The following SYCE1 variants were observed in gnomAD, a reference collection of about 807,000 sequenced individuals.
SYCE1 encodes the protein cancer/testis antigen 76.
In SYCE1, 37 loss-of-function variants were observed where a neutral mutation model predicts 55.1. The ratio of observed to expected loss-of-function variants is 0.67; its 90% CI spans 0.52 to 0.88. SYCE1 has a LOEUF of 0.88. Ranked by LOEUF, SYCE1 falls within the 40% of genes least tolerant of loss-of-function variation. The pLI, the probability that SYCE1 is intolerant of heterozygous loss-of-function variation, is 0.00. For synonymous variants in SYCE1, 163 were observed against 159.4 expected (o/e 1.02, Z -0.17); for missense variants, 399 against 416.4 (o/e 0.96, Z 0.36).
intron 1 of SYCE1, among the ~76,000 whole-genome samples, chr10:133,563,740 G>A (rs1163300908): frequency 6.7e-6 from 1 of 150,316 alleles, no homozygotes; most frequent in African/African-American, 2.4e-5. Flanking sequence ...TTATTTTTGA[G>A]TTTATGGAGT....
At chr10:133,566,771 G>A (rs1226779070), upstream of SYCE1, among the ~76,000 whole-genome samples, 3 of 151,520 alleles carry the variant, frequency 2.0e-5, no homozygotes, top group Admixed American at 6.6e-5. Context: ...TTACAGTTTA[G>A]GGTAAGGGGT....
chr10:133,555,256 G>C, intron 12 of SYCE1, 95 bp downstream of exon 12: 1 of 1,585,616 alleles, frequency 6.3e-7, no homozygotes, highest in Non-Finnish European at 8.6e-7. Flanking sequence ...ACCATCCTCT[G>C]AGGAGTCCCA....
upstream of SYCE1, among the ~76,000 whole-genome samples, chr10:133,567,483 C>T (rs1311887856): frequency 6.6e-6 from 1 of 151,950 alleles, no homozygotes; most frequent in African/African-American, 2.4e-5. Context: ...GTTAGGGTTC[C>T]TGGACGGATG....
chr10:133,555,438 C>G lies in SYCE1; in HGVS notation c.831G>C (p.Arg277Ser). ...CATGCTTTTCCAGCTCTTCCTTCAG[C>G]CTGGACAGGAAGAGGTAGGATGGGG... ...KCQQQQQKRQ[R>S]LKEELEKHGM... Residue 277 changes from arginine to serine, a missense_variant and splice_region_variant, in exon 12 of 13, where the codon AGG (arginine) becomes AGC (serine). Transcript: ENST00000343131. 6.2e-7 allele frequency: 1 copy of G among 1,613,842 alleles called. No homozygotes were observed. Among genetic ancestry groups the G allele is most frequent in the African/African-American group, 1.3e-5 (1 of 75,004 alleles).
chr10:133,567,620 T>C (rs1851979360), upstream of SYCE1, among the ~76,000 whole-genome samples: 1 of 152,046 alleles, frequency 6.6e-6, no homozygotes, highest in Non-Finnish European at 1.5e-5. Flanking sequence ...ATTACTTCTT[T>C]TGGGGAGGGC....
chr10:133,565,554 T>TGCCTCGGGAGGGA lies in SYCE1; in HGVS notation c.-38_-26dup. 1.9e-6 allele frequency: 3 copies of TGCCTCGGGAGGGA among 1,547,344 alleles called. No homozygotes were observed. The highest frequency in any genetic ancestry group is 2.6e-6 in the Non-Finnish European group (3 of 1,146,094). Reference sequence around the variant, plus strand: ...TTTCCTCTCAGCTCGCCAGCGAGGGTGCCTCGGGAGGGAGCCTCCAGTGGT... The same window carrying TGCCTCGGGAGGGA: ...TTTCCTCTCAGCTCGCCAGCGAGGGTGCCTCGGGAGGGAGCCTCGGGAGGGAGCCTCCAGTGGT... On this transcript the variant is annotated 5_prime_UTR_variant, in exon 1 of 13. Transcript: ENST00000343131.
chr10:133,564,665 C>G (rs1279748071), intron 1 of SYCE1, among the ~76,000 whole-genome samples: 1 of 152,184 alleles, frequency 6.6e-6, no homozygotes, highest in Non-Finnish European at 1.5e-5. Context: ...TGGAGGCAGC[C>G]ACCGACGTTT....
At chr10:133,564,372 G>A in intron 1 of SYCE1, 1 of 984,486 alleles carries the variant, frequency 1.0e-6, no homozygotes, top group Non-Finnish European at 1.2e-6. Context: ...TTTGAACTAA[G>A]GCACAAGCGA....
intron 2 of SYCE1, chr10:133,559,633 A>C (rs999273397): frequency 1.1e-5 from 5 of 471,090 alleles, no homozygotes; most frequent in African/African-American, 9.7e-5. Context: ...TGCTCCTGAG[A>C]TATGGGAAGG....
rs552637578 is a variant in SYCE1, at chr10:133,564,368, C to T, written c.73+1089G>A. 904 of 984,222 alleles carry T rather than the reference C, an allele frequency of 9.2e-4. 3 individuals carry two copies. The highest frequency in any genetic ancestry group is 1.0e-3 in the Non-Finnish European group (863 of 829,056). 61.0% of individuals were successfully genotyped at this position (984,222 alleles called of 1,614,324 possible). On this transcript the variant is annotated intron_variant, in intron 1 of 12. Coordinates refer to ENST00000343131, the MANE Select transcript of SYCE1 (RefSeq NM_001143764.3). ...GGCATTTCTGTTGTAGCAGTTTGAA[C>T]TAAGGCACAAGCGACATTGGTTAAA...
downstream of SYCE1, chr10:133,554,190 T>C (rs1423027061): frequency 1.9e-6 from 2 of 1,074,282 alleles, no homozygotes; most frequent in South Asian, 1.4e-5. Context: ...ATTAACTGCA[T>C]CTTAGAGAAC....
chr10:133,566,809 G>A (rs1431209506), upstream of SYCE1, among the ~76,000 whole-genome samples: 1 of 145,594 alleles, frequency 6.9e-6, no homozygotes, highest in Admixed American at 6.8e-5. Context: ...GTTAGCATTA[G>A]GAGTTACAGT....
At chr10:133,558,770 G>A (rs908542055) in intron 4 of SYCE1, 107 bp downstream of exon 4, 2 of 1,077,740 alleles carry the variant, frequency 1.9e-6, no homozygotes, top group Middle Eastern at 2.7e-4. Flanking sequence ...AGGCTAGAGA[G>A]GGTACAGGAC....
In SYCE1 at chr10:133,554,970, C is replaced by T; in HGVS notation, c.*22G>A. Reference sequence around the variant, plus strand: ...GGGATCTTGGGCCTGACCCCTACTCCTCACCAGTAGACTTAGCTGTATCAA... The same window carrying T: ...GGGATCTTGGGCCTGACCCCTACTCTTCACCAGTAGACTTAGCTGTATCAA... On this transcript the variant is annotated 3_prime_UTR_variant, in exon 13 of 13. Coordinates refer to ENST00000343131, the MANE Select transcript of SYCE1 (RefSeq NM_001143764.3). The T allele has an allele frequency of 6.6e-7, 1 of 1,521,934 alleles. No homozygotes were observed. Among genetic ancestry groups the T allele is most frequent in the Non-Finnish European group, 8.8e-7 (1 of 1,134,896 alleles). 94.3% of individuals were successfully genotyped at this position (1,521,934 alleles called of 1,614,324 possible).
chr10:133,567,226 G>A (rs914726592), upstream of SYCE1, among the ~76,000 whole-genome samples: 11 of 151,506 alleles, frequency 7.3e-5, no homozygotes, highest in Non-Finnish European at 8.8e-5. Flanking sequence ...GGTTTGTGTC[G>A]GGGTTGGGTT....
upstream of SYCE1, among the ~76,000 whole-genome samples, chr10:133,565,991 C>A (rs1327375576): frequency 2.0e-5 from 3 of 152,214 alleles, no homozygotes; most frequent in Non-Finnish European, 4.4e-5. Context: ...CGGGAGTGCA[C>A]GGGCCCCAGC....
At chr10:133,562,760 G>A (rs924511381) in intron 1 of SYCE1, among the ~76,000 whole-genome samples, 13 of 151,996 alleles carry the variant, frequency 8.6e-5, no homozygotes, top group African/African-American at 2.2e-4. Flanking sequence ...CCATGTGGTC[G>A]AGCCTCATAA....
At chr10:133,566,253 G>A (rs77141530), upstream of SYCE1, among the ~76,000 whole-genome samples, 1,943 of 152,128 alleles carry the variant, frequency 0.013, no homozygotes, top group African/African-American at 0.045. Flanking sequence ...GGGAGGCCGC[G>A]ATGCATCGCG....
chr10:133,567,945 A>G (rs1210858774), upstream of SYCE1: 13 of 561,116 alleles, frequency 2.3e-5, no homozygotes, highest in Admixed American at 2.9e-4. Flanking sequence ...AGGACGGTGG[A>G]TGGCGGGTCC....
Sources: gnomAD v4.1 joint callset for allele counts (sites outside exome capture counted in the v4.1 genomes callset) on GRCh38, gnomAD v4.1.1 for gene constraint, MANE v1.5 for transcripts, NCBI Gene and HGNC (gene_info 2026-07-23, HGNC 2026-07-21) for gene names.